The following CNTN5 variants were observed in gnomAD, a reference collection of about 807,000 sequenced individuals.
CNTN5 encodes contactin 5, also known as contactin-5.
Under a neutral mutation model 129.1 loss-of-function variants are expected in CNTN5, and 77 were observed. That is an observed-to-expected ratio of 0.60 (90% CI 0.50 to 0.72). CNTN5 has a LOEUF of 0.72. Ranked by LOEUF, CNTN5 falls within the 30% of genes least tolerant of loss-of-function variation. The pLI is 0.00. For missense variants in CNTN5, 1,478 were observed against 1,328.8 expected (o/e 1.11, Z -1.75); for synonymous variants, 509 against 465.6 (o/e 1.09, Z -1.20).
At chr11:100,217,483 AATGTT>A in intron 15 of CNTN5, among the ~76,000 whole-genome samples, 1 of 152,336 alleles carries the variant, frequency 6.6e-6, no homozygotes. Flanking sequence ...GCTACTGTAG[AATGTT>A]ATAATTCTAG....
At chr11:100,101,889 G>C (rs933652348) in intron 13 of CNTN5, among the ~76,000 whole-genome samples, 1 of 152,082 alleles carries the variant, frequency 6.6e-6, no homozygotes, top group African/African-American at 2.4e-5. Flanking sequence ...CTCCATCCAT[G>C]TTGCTGCGAA....
intron 17 of CNTN5, among the ~76,000 whole-genome samples, chr11:100,260,390 T>C (rs987981777): frequency 2.0e-5 from 3 of 152,224 alleles, no homozygotes; most frequent in Non-Finnish European, 4.4e-5. Context: ...GTACCATTCC[T>C]TCTGAAACTA....
In CNTN5 at chr11:99,133,132, C is replaced by A. The variant is rs545439430; in HGVS notation, c.-210+111862C>A. On this transcript the variant is annotated intron_variant, in intron 1 of 24. Transcript: ENST00000524871. ...CTACAACGATCTGATCTTTGAAAAACCTGACAGAAACAAACAGTGAGGAGA... is the reference window on the plus strand; with the variant it reads ...CTACAACGATCTGATCTTTGAAAAAACTGACAGAAACAAACAGTGAGGAGA... Among the ~76,000 whole-genome samples, 67 of 152,172 alleles carry A rather than the reference C, an allele frequency of 4.4e-4. 5 individuals carry two copies. In the South Asian group the frequency reaches 0.014, roughly 31 times the overall value.
intron 7 of CNTN5, among the ~76,000 whole-genome samples, chr11:99,952,659 A>G (rs372752265): frequency 2.2e-4 from 33 of 152,232 alleles, no homozygotes; most frequent in East Asian, 1.7e-3. Flanking sequence ...AGCCTCCCAA[A>G]GTGCGGGGAT....
chr11:100,218,979 C>A (rs1949202758), intron 15 of CNTN5, among the ~76,000 whole-genome samples: 2 of 152,074 alleles, frequency 1.3e-5, no homozygotes, highest in Non-Finnish European at 2.9e-5. Context: ...GATATAAAGA[C>A]CTCATTTCAA....
intron 2 of CNTN5, among the ~76,000 whole-genome samples, chr11:99,538,871 A>G (rs1302735504): frequency 6.6e-6 from 1 of 152,118 alleles, no homozygotes; most frequent in Non-Finnish European, 1.5e-5. Flanking sequence ...TTGCAAACAT[A>G]ATTTTTAAAG....
At chr11:99,089,836 G>T (rs186119742) in intron 1 of CNTN5, among the ~76,000 whole-genome samples, 2 of 152,008 alleles carry the variant, frequency 1.3e-5, no homozygotes, top group Non-Finnish European at 1.5e-5. Context: ...TGTCATCTGG[G>T]CTAGCCTTGT....
intron 13 of CNTN5, among the ~76,000 whole-genome samples, chr11:100,150,552 A>G (rs1947020550): frequency 6.6e-6 from 1 of 152,006 alleles, no homozygotes; most frequent in Non-Finnish European, 1.5e-5. Flanking sequence ...CAAAAACTCT[A>G]TAATTTTAGT....
chr11:99,680,382 C>G (rs976440726), intron 3 of CNTN5, among the ~76,000 whole-genome samples: 2 of 152,058 alleles, frequency 1.3e-5, no homozygotes, highest in Non-Finnish European at 2.9e-5. Context: ...AGCCAGTGCT[C>G]ATATACCATT....
chr11:99,514,195 T>C (rs1946954091), intron 2 of CNTN5, among the ~76,000 whole-genome samples: 2 of 152,076 alleles, frequency 1.3e-5, no homozygotes, highest in Admixed American at 1.3e-4. Flanking sequence ...CATAAAGACG[T>C]AACTGAATTA....
chr11:100,205,337 A>G (rs1379020333), intron 15 of CNTN5, among the ~76,000 whole-genome samples: 2 of 152,040 alleles, frequency 1.3e-5, no homozygotes, highest in Non-Finnish European at 2.9e-5. Context: ...GACTATTTTT[A>G]TCATATTACA....
At chr11:99,237,697 G>C (rs1176695188) in intron 1 of CNTN5, among the ~76,000 whole-genome samples, 3 of 151,836 alleles carry the variant, frequency 2.0e-5, no homozygotes, top group Non-Finnish European at 4.4e-5. Context: ...AAAAAAAAAG[G>C]CATTTATAAA....
chr11:99,351,563 C>G (rs570713401), intron 2 of CNTN5, among the ~76,000 whole-genome samples: 1 of 152,192 alleles, frequency 6.6e-6, no homozygotes, highest in South Asian at 2.1e-4. Context: ...AATACCTAAG[C>G]ATTAGTATTT....
chr11:99,636,060 A>G (rs1442652927), intron 3 of CNTN5, among the ~76,000 whole-genome samples: 2 of 151,438 alleles, frequency 1.3e-5, no homozygotes, highest in African/African-American at 4.9e-5. Flanking sequence ...AAAGGACTGA[A>G]GTAGAAAACT....
intron 3 of CNTN5, among the ~76,000 whole-genome samples, chr11:99,718,693 C>A (rs1943067036): frequency 1.3e-5 from 2 of 151,998 alleles, no homozygotes; most frequent in African/African-American, 4.8e-5. Context: ...CTATAGTTAG[C>A]AAGATGAGAG....
chr11:99,272,282 T>C (rs1166422365), intron 1 of CNTN5, among the ~76,000 whole-genome samples: 1 of 151,460 alleles, frequency 6.6e-6, no homozygotes, highest in Non-Finnish European at 1.5e-5. Context: ...AATGGAGATC[T>C]ATTTGAGTAA....
intron 13 of CNTN5, among the ~76,000 whole-genome samples, chr11:100,108,029 G>A (rs1945513306): frequency 1.3e-5 from 2 of 148,358 alleles, no homozygotes; most frequent in Admixed American, 6.8e-5. Flanking sequence ...AGTAAAGCTA[G>A]TAAAGGCATT....
chr11:99,537,898 A>G (rs61911102), intron 2 of CNTN5, among the ~76,000 whole-genome samples: 1 of 152,194 alleles, frequency 6.6e-6, no homozygotes, highest in Non-Finnish European at 1.5e-5. Flanking sequence ...ATGGCCTAGA[A>G]GACTTCATGT....
At chr11:99,150,863 A>T (rs942017977) in intron 1 of CNTN5, among the ~76,000 whole-genome samples, 1 of 152,090 alleles carries the variant, frequency 6.6e-6, no homozygotes, top group Non-Finnish European at 1.5e-5. Context: ...TAAATTCAGG[A>T]TACCTCATAA....
Sources: allele counts gnomAD v4.1 joint callset (sites outside exome capture counted in the v4.1 genomes callset), GRCh38; gene constraint gnomAD v4.1.1; transcripts MANE v1.5; gene names NCBI Gene and HGNC (gene_info 2026-07-23, HGNC 2026-07-21).